NECAB1: variants seen among roughly 807,000 people sequenced by gnomAD.
The protein encoded by NECAB1 is N-terminal EF-hand calcium-binding protein 1.
A neutral mutation model predicts 57.5 loss-of-function variants in NECAB1; 29 were observed. The observed-to-expected ratio is 0.50, with a 90% CI of 0.38 to 0.69. The LOEUF is 0.69. NECAB1 is among the 30% of genes least tolerant of loss of function. NECAB1 has a pLI of 0.00. For missense variants in NECAB1, 372 were observed against 413.8 expected, an observed-to-expected ratio of 0.90 and a Z score of 0.88; for synonymous variants, 142 against 147.7, an observed-to-expected ratio of 0.96 and a Z score of 0.28.
At chr8:90,836,507 T>C (rs1812372439) in intron 3 of NECAB1, among the ~76,000 whole-genome samples, 1 of 152,214 alleles carries the variant, frequency 6.6e-6, no homozygotes, top group Non-Finnish European at 1.5e-5. Context: ...TTTAGAATAA[T>C]TAGAAATCTA....
chr8:90,926,799 T>C (rs79747562), intron 7 of NECAB1, among the ~76,000 whole-genome samples: 2,734 of 152,250 alleles, frequency 0.018, 46 homozygotes, highest in Non-Finnish European at 0.028. Flanking sequence ...CTGGTACCTC[T>C]CCATTGGCCA....
intron 4 of NECAB1, chr8:90,872,474 C>T (rs553098346): frequency 9.1e-6 from 2 of 218,734 alleles, no homozygotes; most frequent in Admixed American, 1.2e-4. Flanking sequence ...TCATTATTCT[C>T]TGCATGATAT....
At chr8:90,793,525 G>T (rs546847465) in intron 1 of NECAB1, among the ~76,000 whole-genome samples, 1 of 152,256 alleles carries the variant, frequency 6.6e-6, no homozygotes, top group African/African-American at 2.4e-5. Flanking sequence ...GGCTTAACGG[G>T]CTGATCTTAT....
At chr8:90,800,593 T>A (rs1271246748) in intron 1 of NECAB1, among the ~76,000 whole-genome samples, 1 of 152,202 alleles carries the variant, frequency 6.6e-6, no homozygotes, top group Non-Finnish European at 1.5e-5. Context: ...TAAAGTTACA[T>A]TCGTGGATAC....
At chr8:90,872,821 T>A (rs561094456) in intron 4 of NECAB1, among the ~76,000 whole-genome samples, 24 of 152,334 alleles carry the variant, frequency 1.6e-4, no homozygotes, top group African/African-American at 5.8e-4. Flanking sequence ...ATGTTTTATG[T>A]TTTAAGATAA....
chr8:90,896,637 A>AC (rs71266149), intron 5 of NECAB1, among the ~76,000 whole-genome samples: 1 of 147,474 alleles, frequency 6.8e-6, no homozygotes, highest in South Asian at 2.2e-4. Flanking sequence ...AAAAACAAAA[A>AC]AAACAAACAA....
At chr8:90,849,795 G>A (rs970647681) in intron 3 of NECAB1, among the ~76,000 whole-genome samples, 15 of 142,530 alleles carry the variant, frequency 1.1e-4, no homozygotes, top group African/African-American at 2.1e-4. Context: ...CCAGGTTCAC[G>A]CCATTCTCCT....
At chr8:90,932,877 G>T (rs544230877) in intron 8 of NECAB1, among the ~76,000 whole-genome samples, 2 of 152,204 alleles carry the variant, frequency 1.3e-5, no homozygotes, top group South Asian at 4.2e-4. Flanking sequence ...TTTCACTGGG[G>T]ACATTAGGAC....
chr8:90,846,720 G>A (rs945320112), intron 3 of NECAB1, among the ~76,000 whole-genome samples: 1 of 152,250 alleles, frequency 6.6e-6, no homozygotes, highest in African/African-American at 2.4e-5. Context: ...GAAGGCAAAA[G>A]AGGAGCAAGT....
Position 90,940,811 on chromosome 8 carries a change from T to C in NECAB1, c.773T>C (p.Met258Thr). The C allele has an allele frequency of 5.1e-6, 8 of 1,562,754 alleles. No homozygotes were observed. Among genetic ancestry groups the C allele is most frequent in the Non-Finnish European group, 6.9e-6 (8 of 1,153,108 alleles). Residue 258 changes from methionine (M) to threonine (T), a missense_variant, in exon 10 of 13, where the codon ATG (methionine) becomes ACG (threonine). Met to Thr is a moderately conservative substitution (Grantham distance 81). Coordinates refer to ENST00000417640, the MANE Select transcript of NECAB1 (RefSeq NM_022351.5). ...KSHIMLVQRQ[M>T]SVIEEDLEEF... ...CACATCATGCTTGTGCAGCGGCAGA[T>C]GTCTGTGATAGAAGAGGACCTGGAA... is the stretch of plus-strand genomic sequence containing the variant.
At chr8:90,926,803 T>C (rs1306303050) in intron 7 of NECAB1, among the ~76,000 whole-genome samples, 2 of 152,140 alleles carry the variant, frequency 1.3e-5, no homozygotes, top group African/African-American at 2.4e-5. Context: ...TACCTCTCCA[T>C]TGGCCAAACA....
At chr8:90,794,977 C>G (rs959687282) in intron 1 of NECAB1, among the ~76,000 whole-genome samples, 2 of 152,196 alleles carry the variant, frequency 1.3e-5, no homozygotes, top group Non-Finnish European at 2.9e-5. Flanking sequence ...CCAAGGTATG[C>G]CAGTGCATTG....
chr8:90,884,786 G>T (rs1278185393), intron 5 of NECAB1, among the ~76,000 whole-genome samples: 1 of 152,090 alleles, frequency 6.6e-6, no homozygotes, highest in Non-Finnish European at 1.5e-5. Flanking sequence ...TAGGGGAGAG[G>T]AAGTAGAGAC....
At chr8:90,799,900 T>C (rs1811732485) in intron 1 of NECAB1, among the ~76,000 whole-genome samples, 1 of 152,226 alleles carries the variant, frequency 6.6e-6, no homozygotes, top group Non-Finnish European at 1.5e-5. Flanking sequence ...TTGGGTAGTA[T>C]GGCCATTTTA....
At chr8:90,816,291 C>T (rs1812060646) in intron 2 of NECAB1, among the ~76,000 whole-genome samples, 1 of 151,744 alleles carries the variant, frequency 6.6e-6, no homozygotes, top group African/African-American at 2.4e-5. Context: ...ATATTTTCTC[C>T]CAGACTGTGG....
chr8:90,823,962 C>T (rs1246995077), intron 2 of NECAB1, among the ~76,000 whole-genome samples: 1 of 151,742 alleles, frequency 6.6e-6, no homozygotes, highest in Admixed American at 6.6e-5. Context: ...CTCTGCTGAT[C>T]TAGATTTTAC....
At chr8:90,847,380 G>A (rs1016808056) in intron 3 of NECAB1, among the ~76,000 whole-genome samples, 1 of 152,226 alleles carries the variant, frequency 6.6e-6, no homozygotes, top group African/African-American at 2.4e-5. Flanking sequence ...GCAGGGTACA[G>A]CCCCCTCCCA....
intron 12 of NECAB1, among the ~76,000 whole-genome samples, chr8:90,955,112 T>TTTTATA (rs1554578887): frequency 1.4e-5 from 1 of 70,816 alleles, no homozygotes; most frequent in African/African-American, 4.7e-5. Flanking sequence ...GGTATATAAA[T>TTTTATA]TATATATATA....
At chr8:90,888,983 A>G (rs565491711) in intron 5 of NECAB1, among the ~76,000 whole-genome samples, 1 of 152,270 alleles carries the variant, frequency 6.6e-6, no homozygotes, top group South Asian at 2.1e-4. Context: ...TTTTAGGACT[A>G]CCAATTATGC....
Sources: allele counts gnomAD v4.1 joint callset (sites outside exome capture counted in the v4.1 genomes callset), GRCh38; gene constraint gnomAD v4.1.1; transcripts MANE v1.5; gene names NCBI Gene and HGNC (gene_info 2026-07-23, HGNC 2026-07-21).